Variants in PRKDC observed in about 807,000 individuals in gnomAD.
PRKDC encodes the protein DNA-dependent protein kinase catalytic subunit.
In PRKDC, 82 loss-of-function variants were observed where a neutral mutation model predicts 486.9. The observed-to-expected ratio is 0.17, with a 90% CI of 0.14 to 0.20. PRKDC has a LOEUF of 0.20. Among genes scored for constraint, PRKDC ranks in the 10% least tolerant of loss-of-function variants. The probability of loss-of-function intolerance (pLI) is 1.00; values close to 1 mark genes in which losing one functional copy is unlikely to be tolerated. For synonymous variants in PRKDC, 1,895 were observed against 1,837.0 expected (o/e 1.03, Z -0.81); for missense variants, 4,504 against 5,038.2 (o/e 0.89, Z 3.21).
chr8:47,881,043 T>TA (rs57817228), intron 38 of PRKDC, among the ~76,000 whole-genome samples: 4,850 of 90,392 alleles, frequency 0.054, 101 homozygotes, highest in Middle Eastern at 0.076. Flanking sequence ...CGAGACTGTC[T>TA]AAAAAAAAAA....
intron 59 of PRKDC, 97 bp from the exon 60 acceptor site, chr8:47,832,023 C>T (rs1487755704): frequency 9.1e-7 from 1 of 1,098,842 alleles, no homozygotes; most frequent in Non-Finnish European, 1.3e-6. Flanking sequence ...ACAAAACCTA[C>T]AGGTGCCGCA....
At chr8:47,902,173 C>T (rs867547578) in intron 27 of PRKDC, among the ~76,000 whole-genome samples, 1 of 152,146 alleles carries the variant, frequency 6.6e-6, no homozygotes, top group Non-Finnish European at 1.5e-5. Context: ...TCTACCCCCC[C>T]ACCACCCACT....
chr8:47,940,148 G>A (rs577769307), intron 10 of PRKDC, among the ~76,000 whole-genome samples: 4 of 152,028 alleles, frequency 2.6e-5, no homozygotes, highest in Non-Finnish European at 5.9e-5. Context: ...GAGCTGTCAG[G>A]GGACCAGTGA....
In PRKDC at chr8:47,906,398, C is replaced by T. The variant is rs1328305462; in HGVS notation, c.2935-1422G>A. Among the ~76,000 whole-genome samples the T allele has an allele frequency of 3.4e-5, 5 of 148,340 alleles. No individual in the cohort carries two copies. In the East Asian group the frequency reaches 9.7e-4, roughly 29 times the overall value. Reference sequence around the variant, plus strand: ...GATGTAATCCCAGCACTTTGGGAGGCTGAGGAGGGCGGATCACTTGAGGTC... The same window carrying T: ...GATGTAATCCCAGCACTTTGGGAGGTTGAGGAGGGCGGATCACTTGAGGTC... On this transcript the variant is annotated intron_variant, in intron 25 of 85. Transcript: ENST00000314191.
In PRKDC at chr8:47,929,861, A is replaced by G; in HGVS notation, c.2044T>C (p.Tyr682His). The G allele has an allele frequency of 6.3e-7, 1 of 1,597,878 alleles. No homozygotes were observed. The highest frequency in any genetic ancestry group is 8.5e-7 in the Non-Finnish European group (1 of 1,176,224). ...ITVRNAKKIKYFEGVSPKSLK... is the reference protein window; with the variant it reads ...ITVRNAKKIKHFEGVSPKSLK... ...CTGCAAGAAAGACTCACCTCGAAAT[A>G]TTTTATTTTCTTGGCATTTCTTACT... The change falls in exon 18 of 86, where the codon TAT becomes CAT. Residue 682 changes from tyrosine (Y) to histidine (H), a missense_variant. By Grantham distance (83) the Tyr-to-His change is moderately conservative. Transcript: ENST00000314191.
intron 21 of PRKDC, among the ~76,000 whole-genome samples, chr8:47,919,723 G>GT (rs200600818): frequency 0.014 from 1,727 of 127,016 alleles, 19 homozygotes; most frequent in East Asian, 0.033. Flanking sequence ...GTTTTTAGTG[G>GT]TTTTTTTTTT....
Position 47,788,897 on chromosome 8 carries a change from A to G in PRKDC, c.10902+9T>C, listed in dbSNP as rs578146929. Reference sequence around the variant, plus strand: ...TGCTATCAAAATAGCAGGCTGTGCCAGTCCATACCTGAATAAACTTCCTTC... The same window carrying G: ...TGCTATCAAAATAGCAGGCTGTGCCGGTCCATACCTGAATAAACTTCCTTC... On this transcript the variant is annotated intron_variant, in intron 76 of 85. Transcript: ENST00000314191. 7.7e-6 allele frequency: 12 copies of G among 1,560,090 alleles called. No homozygotes were observed. The South Asian group carries it at 1.1e-4, about 14-fold the overall frequency.
At position 47,897,128 on chromosome 8, in the gene PRKDC, G is replaced by A. The variant is rs373884225; in HGVS notation, c.3598+33C>T. 1.3e-4 allele frequency: 204 copies of A among 1,542,902 alleles called. No homozygotes were observed. In the African/African-American group the frequency reaches 2.0e-3, roughly 15 times the overall value. On this transcript the variant is annotated intron_variant, in intron 30 of 85. Transcript: ENST00000314191. ...CTTTTAAATGGGATAATAAAGCACC[G>A]TGGTGAAATTAAAGATATACAGATT... is the stretch of plus-strand genomic sequence containing the variant.
In PRKDC at chr8:47,858,636, CTAAAA is replaced by C; in HGVS notation, c.6346-6_6346-2del. 3.1e-5 allele frequency: 47 copies of C among 1,504,626 alleles called. No individual in the cohort carries two copies. The highest frequency in any genetic ancestry group is 4.2e-5 in the Non-Finnish European group (47 of 1,126,544). 93.2% of individuals were successfully genotyped at this position (1,504,626 alleles called of 1,614,324 possible). A position where few individuals can be genotyped will look rare whatever the true frequency, so the allele number is the denominator to read the frequency against. On this transcript the variant is annotated splice_acceptor_variant and splice_polypyrimidine_tract_variant and intron_variant, in intron 47 of 85. Transcript: ENST00000314191. LOFTEE classifies it high-confidence loss of function. ...AAGGAAGATCTCTTGGCACTGAATC[CTAAAA>C]TAAAACATTCAAAATTACCTTAAAA...
At chr8:47,889,884 G>A (rs1239512354) in intron 32 of PRKDC, among the ~76,000 whole-genome samples, 1 of 152,008 alleles carries the variant, frequency 6.6e-6, no homozygotes, top group Non-Finnish European at 1.5e-5. Context: ...GTTCCCATCA[G>A]AAAAAATGTT....
rs1436142588 is a variant in PRKDC, at chr8:47,893,251, C to A, written c.3735G>T (p.Arg1245=). The A allele has an allele frequency of 1.9e-6, 3 of 1,612,374 alleles. No homozygotes were observed. Among genetic ancestry groups the A allele is most frequent in the Non-Finnish European group, 2.5e-6 (3 of 1,179,194 alleles). Residue 1245 remains arginine (R), a synonymous_variant, in exon 31 of 86, where the codon CGG becomes CGT. Transcript: ENST00000314191. ...GCGTGGCCTGCAGGCTGAATGGCCC[C>A]CGAAGGTACAAGAGGGTGGGCTGGG... is the stretch of plus-strand genomic sequence containing the variant. ...ILAQPTLLYL[R]GPFSLQATLC... is the part of the protein sequence containing the mutation.
chr8:47,873,566 T>C (rs1454662431), intron 40 of PRKDC, among the ~76,000 whole-genome samples: 5 of 152,204 alleles, frequency 3.3e-5, no homozygotes, highest in African/African-American at 9.6e-5. Context: ...TGCACTCCCA[T>C]GTTTACTGCA....
In PRKDC at chr8:47,855,944, C is replaced by T. The variant is rs192856970; in HGVS notation, c.6610-571G>A. Among the ~76,000 whole-genome samples the T allele has an allele frequency of 8.5e-5, 13 of 152,288 alleles. 1 individual carries two copies. The highest frequency in any genetic ancestry group is 8.3e-4 in the South Asian group (4 of 4,824). On this transcript the variant is annotated intron_variant, in intron 49 of 85. Transcript: ENST00000314191. Reference sequence around the variant, plus strand: ...GACTCCAGAGTGAGTAAAAGCTTCACGGCAACCTTTCTGGCTTGCTGTTGC... The same window carrying T: ...GACTCCAGAGTGAGTAAAAGCTTCATGGCAACCTTTCTGGCTTGCTGTTGC...
At chr8:47,937,073 G>A (rs1378658651) in intron 11 of PRKDC, among the ~76,000 whole-genome samples, 1 of 149,154 alleles carries the variant, frequency 6.7e-6, no homozygotes, top group Admixed American at 6.7e-5. Flanking sequence ...GACCACCATG[G>A]TGAAACCCCG....
At chr8:47,843,948 A>G (rs532568018) in intron 54 of PRKDC, among the ~76,000 whole-genome samples, 1 of 152,378 alleles carries the variant, frequency 6.6e-6, no homozygotes, top group Admixed American at 6.5e-5. Flanking sequence ...AACATACTTA[A>G]GTACATAGCC....
rs150112252 is a variant in PRKDC, at chr8:47,883,264, C to T, written c.4777-1167G>A. Among the ~76,000 whole-genome samples, 232 of 152,304 alleles carry T rather than the reference C, an allele frequency of 1.5e-3. 1 individual carries two copies. Among genetic ancestry groups the T allele is most frequent in the African/African-American group, 5.2e-3 (218 of 41,578 alleles). On this transcript the variant is annotated intron_variant, in intron 36 of 85. Coordinates refer to ENST00000314191, the MANE Select transcript of PRKDC (RefSeq NM_006904.7). Reference sequence around the variant, plus strand: ...TCAAGTCTTGCAATGTCCACACTGCCGCTGAGAAGACATATGTCATTCAAT... The same window carrying T: ...TCAAGTCTTGCAATGTCCACACTGCTGCTGAGAAGACATATGTCATTCAAT...
chr8:47,810,901 A>T (rs1158881533), intron 68 of PRKDC, among the ~76,000 whole-genome samples: 1 of 152,216 alleles, frequency 6.6e-6, no homozygotes, highest in Non-Finnish European at 1.5e-5. Flanking sequence ...ACAACAAAAA[A>T]AGACAATAAA....
chr8:47,839,354 C>T, intron 55 of PRKDC, 108 bp from the exon 56 acceptor site: 1 of 789,652 alleles, frequency 1.3e-6, no homozygotes, highest in Non-Finnish European at 2.1e-6. Flanking sequence ...CTTGTTTTCC[C>T]ATTAGACTTT....
At position 47,845,598 on chromosome 8, in the gene PRKDC, A is replaced by AAAAC. The variant is rs535986915; in HGVS notation, c.7280+3552_7280+3555dup. Among the ~76,000 whole-genome samples the AAAAC allele has an allele frequency of 2.0e-3, 297 of 152,142 alleles. 1 individual carries two copies. Among genetic ancestry groups the AAAAC allele is most frequent in the Non-Finnish European group, 2.9e-3 (199 of 67,988 alleles). ...CCTCCCAAGATTGAACCAGAAATTA[A>AAAAC]AAACAAACAAACAAACAAACAAACA... is the stretch of plus-strand genomic sequence containing the variant. On this transcript the variant is annotated intron_variant, in intron 54 of 85. Transcript: ENST00000314191.
Sources: gnomAD v4.1 joint callset for allele counts (sites outside exome capture counted in the v4.1 genomes callset) on GRCh38, gnomAD v4.1.1 for gene constraint, MANE v1.5 for transcripts, NCBI Gene and HGNC (gene_info 2026-07-23, HGNC 2026-07-21) for gene names.